AFF3: variants seen among roughly 807,000 people sequenced by gnomAD.
AFF3 encodes the protein ALF transcription elongation factor 3.
In AFF3, 32 loss-of-function variants were observed where a neutral mutation model predicts 129.7. That is an observed-to-expected ratio of 0.25 (90% CI 0.19 to 0.33). AFF3 has a LOEUF of 0.33. AFF3 is among the 10% of genes least tolerant of loss of function. The pLI is 1.00. For synonymous variants in AFF3, 644 were observed against 635.4 expected (o/e 1.01, Z -0.20); for missense variants, 1,373 against 1,592.0 (o/e 0.86, Z 2.34).
At chr2:99,587,924 C>T (rs751060285) in intron 15 of AFF3, among the ~76,000 whole-genome samples, 4 of 151,346 alleles carry the variant, frequency 2.6e-5, no homozygotes, top group South Asian at 2.1e-4. Context: ...GCAGGAGAAT[C>T]GCTTGAACCT....
At chr2:99,626,341 TCTCTTTCCTTCCTTCCTTC>T (rs1486913066) in intron 13 of AFF3, among the ~76,000 whole-genome samples, 28 of 137,764 alleles carry the variant, frequency 2.0e-4, no homozygotes, top group Middle Eastern at 7.2e-3. Context: ...TTCCCTCCTC[TCTCTTTCCTTCCTTCCTTC>T]CTCTTTCCTC....
chr2:100,004,387 C>T (rs767870514), intron 7 of AFF3, among the ~76,000 whole-genome samples: 1 of 152,084 alleles, frequency 6.6e-6, no homozygotes, highest in African/African-American at 2.4e-5. Context: ...AATATTTATT[C>T]CCTCAAAAGT....
intron 8 of AFF3, among the ~76,000 whole-genome samples, chr2:99,757,007 CCT>C (rs1004359582): frequency 2.0e-5 from 3 of 152,220 alleles, no homozygotes; most frequent in Non-Finnish European, 4.4e-5. Context: ...CTCATTTCCC[CCT>C]GACTCTCTTC....
At chr2:99,611,937 A>G (rs942685973) in intron 13 of AFF3, among the ~76,000 whole-genome samples, 1 of 151,862 alleles carries the variant, frequency 6.6e-6, no homozygotes. Context: ...TGACCCTTTC[A>G]CTACAGAGAA....
At chr2:99,607,927 C>T (rs372837232) in intron 13 of AFF3, among the ~76,000 whole-genome samples, 68 of 152,226 alleles carry the variant, frequency 4.5e-4, no homozygotes, top group South Asian at 1.2e-3. Flanking sequence ...ATGGTAAATG[C>T]GGGATTGAAG....
At chr2:99,926,744 A>G (rs1696274401) in intron 7 of AFF3, among the ~76,000 whole-genome samples, 1 of 152,166 alleles carries the variant, frequency 6.6e-6, no homozygotes, top group African/African-American at 2.4e-5. Flanking sequence ...CTGTACTGTC[A>G]CGATTCAACA....
intron 7 of AFF3, among the ~76,000 whole-genome samples, chr2:99,930,411 C>T (rs956360020): frequency 3.3e-5 from 5 of 152,168 alleles, no homozygotes; most frequent in Non-Finnish European, 7.3e-5. Flanking sequence ...AGACAGAACC[C>T]TGACACCAGC....
chr2:99,838,346 G>T (rs1288582383), intron 7 of AFF3, among the ~76,000 whole-genome samples: 1 of 152,088 alleles, frequency 6.6e-6, no homozygotes, highest in Non-Finnish European at 1.5e-5. Context: ...GAGAGTAGAT[G>T]TCACTGTGAC....
chr2:99,718,520 T>A (rs997612339), intron 11 of AFF3, among the ~76,000 whole-genome samples: 3 of 151,574 alleles, frequency 2.0e-5, no homozygotes, highest in African/African-American at 7.2e-5. Flanking sequence ...ACTTACTGAT[T>A]CTAGTACTTG....
intron 7 of AFF3, among the ~76,000 whole-genome samples, chr2:100,001,757 C>A (rs1413273038): frequency 6.6e-6 from 1 of 152,202 alleles, no homozygotes; most frequent in African/African-American, 2.4e-5. Flanking sequence ...ACCCCAATGG[C>A]CAAACATAAA....
intron 8 of AFF3, among the ~76,000 whole-genome samples, chr2:99,830,453 G>C (rs939927525): frequency 3.9e-5 from 6 of 152,120 alleles, no homozygotes; most frequent in Admixed American, 1.3e-4. Context: ...CTGCCACGAA[G>C]TTTAAAGATA....
chr2:100,133,976 C>T (rs1286982501), intron 1 of AFF3, among the ~76,000 whole-genome samples: 1 of 151,990 alleles, frequency 6.6e-6, no homozygotes, highest in Non-Finnish European at 1.5e-5. Context: ...TATAAAGGGG[C>T]CATCTTTATA....
At chr2:99,643,750 C>T (rs1346839561) in intron 13 of AFF3, among the ~76,000 whole-genome samples, 1 of 152,224 alleles carries the variant, frequency 6.6e-6, no homozygotes, top group Non-Finnish European at 1.5e-5. Flanking sequence ...CCCCACCTTG[C>T]TATGGACCAT....
intron 7 of AFF3, among the ~76,000 whole-genome samples, chr2:99,984,164 A>G (rs190148833): frequency 6.6e-6 from 1 of 152,186 alleles, no homozygotes; most frequent in Admixed American, 6.5e-5. Flanking sequence ...AAAATGTGAA[A>G]CTTCAAGTGT....
At chr2:99,911,233 G>C (rs1695089894) in intron 7 of AFF3, among the ~76,000 whole-genome samples, 1 of 151,898 alleles carries the variant, frequency 6.6e-6, no homozygotes, top group Non-Finnish European at 1.5e-5. Context: ...TCATGATTTT[G>C]CATGATTAGC....
chr2:99,901,674 C>T (rs938265421), intron 7 of AFF3, among the ~76,000 whole-genome samples: 4 of 152,196 alleles, frequency 2.6e-5, no homozygotes, highest in African/African-American at 4.8e-5. Context: ...GACTCCTCTC[C>T]GTTGCTGCAG....
At chr2:99,591,208 A>C (rs1028099945) in intron 15 of AFF3, among the ~76,000 whole-genome samples, 2 of 151,922 alleles carry the variant, frequency 1.3e-5, no homozygotes, top group African/African-American at 4.8e-5. Context: ...TTTCTTTGAG[A>C]TGGCGTCTTG....
At chr2:100,091,483 A>AT (rs1689851142) in intron 4 of AFF3, among the ~76,000 whole-genome samples, 2 of 121,376 alleles carry the variant, frequency 1.6e-5, no homozygotes, top group South Asian at 6.7e-4. Context: ...CTCAATCAAA[A>AT]TTACTTTAAA....
At chr2:99,654,216 C>T (rs1685544850) in intron 12 of AFF3, among the ~76,000 whole-genome samples, 1 of 152,112 alleles carries the variant, frequency 6.6e-6, no homozygotes, top group African/African-American at 2.4e-5. Context: ...TTTCATTGTG[C>T]TATTTAATTT....
Sources: gnomAD v4.1 joint callset for allele counts (sites outside exome capture counted in the v4.1 genomes callset) on GRCh38, gnomAD v4.1.1 for gene constraint, MANE v1.5 for transcripts, NCBI Gene and HGNC (gene_info 2026-07-23, HGNC 2026-07-21) for gene names.